The following PTPRB variants were observed in gnomAD, a reference collection of about 807,000 sequenced individuals.
PTPRB encodes protein tyrosine phosphatase receptor type B.
A neutral mutation model predicts 238.1 loss-of-function variants in PTPRB; 97 were observed. The ratio of observed to expected loss-of-function variants is 0.41; its 90% CI spans 0.35 to 0.48. The LOEUF is 0.48. Ranked by LOEUF, PTPRB falls within the 20% of genes least tolerant of loss-of-function variation. The pLI is 0.30. For missense variants in PTPRB, 2,292 were observed against 2,681.9 expected (o/e 0.85, Z 3.21); for synonymous variants, 970 against 995.4 (o/e 0.97, Z 0.48).
chr12:70,522,049 TACA>T (rs1871714709), intron 33 of PTPRB, among the ~76,000 whole-genome samples: 1 of 152,216 alleles, frequency 6.6e-6, no homozygotes, highest in Admixed American at 6.5e-5. Context: ...TTATTCATAA[TACA>T]AAATAATTAT....
intron 32 of PTPRB, 81 bp from the exon 33 acceptor site, chr12:70,524,672 T>A: frequency 7.0e-6 from 10 of 1,424,506 alleles, no homozygotes; most frequent in Non-Finnish European, 9.4e-6. Context: ...CTGTTGACAA[T>A]GATGGGATTA....
intron 2 of PTPRB, among the ~76,000 whole-genome samples, chr12:70,623,751 T>C (rs900302301): frequency 6.6e-6 from 1 of 152,196 alleles, no homozygotes; most frequent in Admixed American, 6.5e-5. Context: ...ACTGGTTATT[T>C]ATTCAAACAA....
At chr12:70,564,277 TGAG>T (rs1469881950) in intron 15 of PTPRB, among the ~76,000 whole-genome samples, 4 of 152,036 alleles carry the variant, frequency 2.6e-5, no homozygotes, top group African/African-American at 9.7e-5. Context: ...TTTGGGAGGC[TGAG>T]GAGGGTGGAT....
At chr12:70,538,876 G>A (rs1874591830) in intron 27 of PTPRB, 48 bp downstream of exon 27, 1 of 1,455,598 alleles carries the variant, frequency 6.9e-7, no homozygotes, top group African/African-American at 1.4e-5. Context: ...GAAAAATGCA[G>A]AAATGGCTAG....
At chr12:70,548,514 AAAAT>A (rs1876421873) in intron 21 of PTPRB, among the ~76,000 whole-genome samples, 1 of 152,190 alleles carries the variant, frequency 6.6e-6, no homozygotes, top group Non-Finnish European at 1.5e-5. Flanking sequence ...ACTCATCTGT[AAAAT>A]AAAAGCATTG....
chr12:70,587,202 G>T lies in PTPRB; in HGVS notation c.2116C>A (p.Gln706Lys). The T allele has an allele frequency of 6.2e-7, 1 of 1,613,704 alleles. No individual in the cohort carries two copies. The highest frequency in any genetic ancestry group is 8.5e-7 in the Non-Finnish European group (1 of 1,179,660). ...TTCTCCCATTCTGCTACAGGGGTCT[G>T]CCACATGATACTCAGTGAGGTTTCA... is the stretch of plus-strand genomic sequence containing the variant. ...ANETSLSIMW[Q>K]TPVAEWEKYI... The change falls in exon 9 of 34, where the codon CAG (glutamine) becomes AAG (lysine). Residue 706 changes from glutamine (Q) to lysine (K), a missense_variant. By Grantham distance (53) the Gln-to-Lys change is moderately conservative. Transcript: ENST00000334414.
rs769434535 is a variant in PTPRB, at chr12:70,571,942, A to G, written c.2988T>C (p.Ile996=). Residue 996 remains isoleucine, a synonymous_variant, in exon 12 of 34, where the codon ATT becomes ATC. Coordinates refer to ENST00000334414, the MANE Select transcript of PTPRB (RefSeq NM_001109754.4). ...NKNNFIQTKS[I]PKSENECVFV... ...ATACACATTCGTTTTCTGACTTGGG[A>G]ATGCTTTTAGTTTGAATGAAGTTGT... is the stretch of plus-strand genomic sequence containing the variant. The G allele has an allele frequency of 6.2e-7, 1 of 1,613,932 alleles. No individual in the cohort carries two copies. Among genetic ancestry groups the G allele is most frequent in the East Asian group, 2.2e-5 (1 of 44,864 alleles).
chr12:70,534,080 A>C (rs1376130600), intron 31 of PTPRB, among the ~76,000 whole-genome samples: 1 of 152,236 alleles, frequency 6.6e-6, no homozygotes, highest in Non-Finnish European at 1.5e-5. Flanking sequence ...AAAATGGAAG[A>C]ATGGCCAGAG....
Position 70,569,783 on chromosome 12 carries a change from C to T in PTPRB, c.3526G>A (p.Val1176Ile), listed in dbSNP as rs527418611. The T allele has an allele frequency of 1.5e-5, 24 of 1,613,874 alleles. No individual in the cohort carries two copies. Among genetic ancestry groups the T allele is most frequent in the Admixed American group, 1.7e-5 (1 of 60,012 alleles). ...AGTCTGTGGAACGTGTGCTCAAAGACGTGCTTGGGAATAGTCTGAGAGTCA... is the reference window on the plus strand; with the variant it reads ...AGTCTGTGGAACGTGTGCTCAAAGATGTGCTTGGGAATAGTCTGAGAGTCA... Reference protein sequence around the residue: ...KVDSQTIPKHVFEHTFHRLEA... With the variant: ...KVDSQTIPKHIFEHTFHRLEA... Residue 1176 changes from valine to isoleucine, a missense_variant, in exon 14 of 34, where the codon GTC becomes ATC. Physicochemically the swap from Val to Ile is conservative, Grantham distance 29. Around this residue, in one of 4 missense-constraint regions of PTPRB, gnomAD observed 683 missense variants for 862.0 expected, o/e 0.79. Coordinates refer to ENST00000334414, the MANE Select transcript of PTPRB (RefSeq NM_001109754.4).
chr12:70,607,111 C>A (rs985107366), intron 4 of PTPRB, among the ~76,000 whole-genome samples: 1 of 152,222 alleles, frequency 6.6e-6, no homozygotes, highest in South Asian at 2.1e-4. Flanking sequence ...GACTTGAATA[C>A]CTACTTGCAT....
At chr12:70,622,301 C>A in intron 3 of PTPRB, 89 bp downstream of exon 3, 1 of 1,530,222 alleles carries the variant, frequency 6.5e-7, no homozygotes, top group Non-Finnish European at 8.9e-7. Flanking sequence ...CCTACTGCAG[C>A]AGTGGCATTT....
intron 15 of PTPRB, 126 bp downstream of exon 15, chr12:70,566,309 T>C: frequency 8.1e-7 from 1 of 1,228,844 alleles, no homozygotes; most frequent in South Asian, 1.6e-5. Context: ...TCAGGGTGAA[T>C]GTTCCCAGCG....
chr12:70,637,328 C>T lies in PTPRB; in HGVS notation c.55+13G>A, dbSNP rs1180881592. On this transcript the variant is annotated intron_variant, in intron 1 of 33. Coordinates refer to ENST00000334414, the MANE Select transcript of PTPRB (RefSeq NM_001109754.4). The stretch of plus-strand genomic sequence containing the variant: ...GAAGAAATGCCTCAGGACACTGAGG[C>T]AGACCCACTCACCTGAGTTCCTGAA... 2 of 1,601,306 alleles carry T rather than the reference C, an allele frequency of 1.2e-6. No individual in the cohort carries two copies. The highest frequency in any genetic ancestry group is 8.5e-7 in the Non-Finnish European group (1 of 1,173,414).
chr12:70,528,987 C>CA (rs1872790352), intron 32 of PTPRB, among the ~76,000 whole-genome samples: 1 of 151,596 alleles, frequency 6.6e-6, no homozygotes, highest in African/African-American at 2.4e-5. Context: ...ATCTGGTAGG[C>CA]GGGCATTTAC....
chr12:70,549,829 T>C (rs532343544), intron 21 of PTPRB, among the ~76,000 whole-genome samples: 1 of 152,262 alleles, frequency 6.6e-6, no homozygotes, highest in South Asian at 2.1e-4. Flanking sequence ...ATTGGAGAAA[T>C]ATAGGAAAGG....
intron 4 of PTPRB, among the ~76,000 whole-genome samples, chr12:70,604,568 G>A (rs745390897): frequency 6.6e-6 from 1 of 152,158 alleles, no homozygotes; most frequent in Non-Finnish European, 1.5e-5. Flanking sequence ...TTTCGATGCA[G>A]GTAACCTACA....
chr12:70,548,046 G>T (rs987744011), intron 21 of PTPRB, among the ~76,000 whole-genome samples: 4 of 151,998 alleles, frequency 2.6e-5, no homozygotes, highest in African/African-American at 9.7e-5. Flanking sequence ...ATGACTTCTG[G>T]CTGGGCACAG....
intron 2 of PTPRB, among the ~76,000 whole-genome samples, chr12:70,625,725 A>G (rs1219912180): frequency 1.3e-5 from 2 of 152,168 alleles, no homozygotes; most frequent in Non-Finnish European, 2.9e-5. Flanking sequence ...ATGCAAGGAA[A>G]ACTTCTTATA....
intron 7 of PTPRB, 131 bp downstream of exon 7, chr12:70,592,151 A>C: frequency 7.8e-7 from 1 of 1,277,084 alleles, no homozygotes; most frequent in Non-Finnish European, 1.1e-6. Flanking sequence ...TACTACAGAC[A>C]CCTTCAGTTA....
Sources: allele counts gnomAD v4.1 joint callset (sites outside exome capture counted in the v4.1 genomes callset), GRCh38; gene constraint gnomAD v4.1.1; regional missense constraint gnomAD v4.1.1; transcripts MANE v1.5; gene names NCBI Gene and HGNC (gene_info 2026-07-23, HGNC 2026-07-21).